Variants in ZMAT4 observed in about 807,000 individuals in gnomAD.
ZMAT4 encodes zinc finger matrin-type protein 4.
A neutral mutation model predicts 28.7 loss-of-function variants in ZMAT4; 17 were observed. The ratio of observed to expected loss-of-function variants is 0.59; its 90% CI spans 0.41 to 0.89. The LOEUF is 0.89. Among genes scored for constraint, ZMAT4 ranks in the 40% least tolerant of loss-of-function variants. ZMAT4 has a pLI of 0.00. For missense variants in ZMAT4, 240 were observed against 283.8 expected, an observed-to-expected ratio of 0.85 and a Z score of 1.11; for synonymous variants, 117 against 109.2, an observed-to-expected ratio of 1.07 and a Z score of -0.44.
chr8:40,779,521 G>T (rs192599624), intron 2 of ZMAT4, among the ~76,000 whole-genome samples: 1 of 152,104 alleles, frequency 6.6e-6, no homozygotes, highest in Non-Finnish European at 1.5e-5. Context: ...GGGGACTGCC[G>T]GAGGTCAAAC....
At chr8:40,767,927 C>T (rs968971066) in intron 2 of ZMAT4, among the ~76,000 whole-genome samples, 197 bp from the exon 3 acceptor site, 1 of 152,148 alleles carries the variant, frequency 6.6e-6, no homozygotes, top group African/African-American at 2.4e-5. Flanking sequence ...AATGTAATTT[C>T]AGGATGAGAA....
intron 5 of ZMAT4, among the ~76,000 whole-genome samples, chr8:40,602,646 G>GT (rs1331255936): frequency 6.6e-6 from 1 of 152,028 alleles, no homozygotes; most frequent in African/African-American, 2.4e-5. Context: ...TTTTTCATAT[G>GT]TTTTTTGGCC....
chr8:40,599,257 A>G (rs1805212475), intron 5 of ZMAT4, among the ~76,000 whole-genome samples: 1 of 152,210 alleles, frequency 6.6e-6, no homozygotes, highest in South Asian at 2.1e-4. Context: ...TATAGTTCCA[A>G]CATAGGATCT....
At chr8:40,572,155 A>G (rs1804119557) in intron 6 of ZMAT4, among the ~76,000 whole-genome samples, 1 of 152,046 alleles carries the variant, frequency 6.6e-6, no homozygotes, top group African/African-American at 2.4e-5. Flanking sequence ...TTACTGTGCG[A>G]CCCTCAGCTA....
intron 5 of ZMAT4, among the ~76,000 whole-genome samples, chr8:40,651,764 C>T (rs951900981): frequency 4.7e-5 from 7 of 150,020 alleles, no homozygotes; most frequent in Non-Finnish European, 1.0e-4. Context: ...ACAGAGCCCT[C>T]AGAAATAACG....
At chr8:40,611,586 C>T (rs1242833370) in intron 5 of ZMAT4, among the ~76,000 whole-genome samples, 4 of 152,168 alleles carry the variant, frequency 2.6e-5, no homozygotes, top group Admixed American at 2.6e-4. Context: ...GTGATCCACC[C>T]ACCTCAGCCT....
At chr8:40,715,044 T>G (rs1810787290) in intron 3 of ZMAT4, among the ~76,000 whole-genome samples, 2 of 25,112 alleles carry the variant, frequency 8.0e-5, no homozygotes, top group African/African-American at 3.4e-4. Flanking sequence ...GGAGACTCTG[T>G]CTCAAAAAAA....
intron 6 of ZMAT4, among the ~76,000 whole-genome samples, chr8:40,568,260 T>C (rs1431593031): frequency 6.6e-6 from 1 of 152,064 alleles, no homozygotes; most frequent in Non-Finnish European, 1.5e-5. Flanking sequence ...AATGGCCACA[T>C]ATAATTGAGA....
chr8:40,778,400 A>G (rs1813693114), intron 2 of ZMAT4, among the ~76,000 whole-genome samples: 1 of 152,212 alleles, frequency 6.6e-6, no homozygotes, highest in South Asian at 2.1e-4. Flanking sequence ...TCCCATCTCT[A>G]CACTAATGTT....
chr8:40,677,987 T>C (rs1428996552), intron 4 of ZMAT4, among the ~76,000 whole-genome samples: 1 of 152,174 alleles, frequency 6.6e-6, no homozygotes, highest in African/African-American at 2.4e-5. Context: ...CCCAGATCAA[T>C]TGTATCAAAA....
chr8:40,796,345 A>G (rs1025694063), intron 2 of ZMAT4, among the ~76,000 whole-genome samples: 7 of 152,236 alleles, frequency 4.6e-5, no homozygotes, highest in African/African-American at 1.7e-4. Flanking sequence ...TGACCCTGGC[A>G]TGATTTACTC....
chr8:40,573,860 G>A (rs948202978), intron 6 of ZMAT4, among the ~76,000 whole-genome samples: 7 of 152,170 alleles, frequency 4.6e-5, no homozygotes, highest in African/African-American at 1.7e-4. Flanking sequence ...ATTTGTCAGT[G>A]TACAAGGCCA....
intron 6 of ZMAT4, among the ~76,000 whole-genome samples, chr8:40,569,262 C>CAA (rs1284856833): frequency 6.6e-6 from 1 of 152,174 alleles, no homozygotes; most frequent in African/African-American, 2.4e-5. Flanking sequence ...ACTTCCCCAG[C>CAA]AAAATCTAAT....
chr8:40,723,768 A>G (rs1811206214), intron 3 of ZMAT4, among the ~76,000 whole-genome samples: 1 of 152,100 alleles, frequency 6.6e-6, no homozygotes, highest in Admixed American at 6.5e-5. Context: ...TCCTTTGGTG[A>G]CTAATGAGGA....
intron 1 of ZMAT4, among the ~76,000 whole-genome samples, chr8:40,855,196 T>A (rs555469275): frequency 6.6e-6 from 1 of 152,122 alleles, no homozygotes; most frequent in African/African-American, 2.4e-5. Flanking sequence ...AAACGGTGTG[T>A]CCAGACCAGG....
chr8:40,866,314 GC>G (rs1817675654), intron 1 of ZMAT4, among the ~76,000 whole-genome samples: 2 of 152,312 alleles, frequency 1.3e-5, no homozygotes, highest in South Asian at 4.1e-4. Flanking sequence ...GTGCCCCAGG[GC>G]TGGCACTGGG....
rs963961966 is a variant in ZMAT4, at chr8:40,825,455, C to G, written c.102+120G>C. ...GCCTTGACCTCAGACTGTACAGGCT[C>G]AAGTCCTGTGGTTCTTCAAATGTGC... is the stretch of plus-strand genomic sequence containing the variant. On this transcript the variant is annotated intron_variant, in intron 2 of 6. Transcript: ENST00000297737. 23 of 795,176 alleles carry G rather than the reference C, an allele frequency of 2.9e-5. No homozygotes were observed. The East Asian group carries it at 4.7e-4, about 16-fold the overall frequency. 49.3% of individuals were successfully genotyped at this position (795,176 alleles called of 1,614,324 possible).
At chr8:40,756,455 T>TATATATATATATATATATAC (rs1171649512) in intron 3 of ZMAT4, among the ~76,000 whole-genome samples, 9 of 122,650 alleles carry the variant, frequency 7.3e-5, no homozygotes, top group Non-Finnish European at 8.8e-5. Context: ...TATATATATA[T>TATATATATATATATATATAC]ATACACACTT....
At chr8:40,714,395 TTTAA>T (rs1164277187) in intron 3 of ZMAT4, among the ~76,000 whole-genome samples, 21 of 152,180 alleles carry the variant, frequency 1.4e-4, no homozygotes, top group Non-Finnish European at 2.4e-4. Context: ...TAAATTCATG[TTTAA>T]TTAACTGTGG....
Sources: allele counts gnomAD v4.1 joint callset (sites outside exome capture counted in the v4.1 genomes callset), GRCh38; gene constraint gnomAD v4.1.1; transcripts MANE v1.5; gene names NCBI Gene and HGNC (gene_info 2026-07-23, HGNC 2026-07-21).